KRT86: variants seen among roughly 807,000 people sequenced by gnomAD.
The protein encoded by KRT86 is keratin, type II cuticular Hb6.
A neutral mutation model predicts 41.2 loss-of-function variants in KRT86; 30 were observed. The ratio of observed to expected loss-of-function variants is 0.73; its 90% CI spans 0.54 to 0.99. The LOEUF (loss-of-function observed/expected upper bound fraction) is 0.99, where lower values mean the gene tolerates loss of function less well. Ranked by LOEUF, KRT86 falls within the 50% of genes least tolerant of loss-of-function variation. KRT86 has a pLI of 0.00. For missense variants in KRT86, 561 were observed against 571.4 expected, an observed-to-expected ratio of 0.98 and a Z score of 0.19; for synonymous variants, 238 against 238.1, an observed-to-expected ratio of 1.00 and a Z score of 0.00.
At chr12:52,285,650 G>A (rs1410798982) in intron 2 of KRT86, among the ~76,000 whole-genome samples, 1 of 152,202 alleles carries the variant, frequency 6.6e-6, no homozygotes, top group Non-Finnish European at 1.5e-5. Flanking sequence ...CCAACTAAGT[G>A]GGTGACCCTG....
intron 2 of KRT86, among the ~76,000 whole-genome samples, chr12:52,282,375 G>A (rs1370438225): frequency 1.3e-5 from 2 of 152,100 alleles, no homozygotes; most frequent in Admixed American, 1.3e-4. Flanking sequence ...TGGGACTACA[G>A]GCGCCTGCCA....
At chr12:52,286,936 G>C in intron 2 of KRT86, 1 of 1,518,806 alleles carries the variant, frequency 6.6e-7, no homozygotes, top group Non-Finnish European at 9.1e-7. Context: ...GAGTCTGAGG[G>C]AACAGCTTGC....
chr12:52,287,185 C>T, intron 2 of KRT86: 1 of 1,613,892 alleles, frequency 6.2e-7, no homozygotes, highest in East Asian at 2.2e-5. Context: ...CCTCCTGGTA[C>T]TCCCTGATCA....
chr12:52,305,930 T>G (rs12815182), intron 8 of KRT86, 130 bp from the exon 9 acceptor site: 67 of 1,570,054 alleles, frequency 4.3e-5, no homozygotes, highest in Non-Finnish European at 5.0e-5. Flanking sequence ...TCTCTGTGAG[T>G]CCCAGGTGAT....
Position 52,308,384 on chromosome 12 carries a change from T to G in KRT86, c.1280-20T>G. On this transcript the variant is annotated intron_variant, in intron 10 of 10. Transcript: ENST00000423955. ...GTCGCGGCTGCGCCTGACGCGCGCC[T>G]CCGTCTCTTTCCCCTGCAGGCGTCA... 1 of 1,611,156 alleles carries G rather than the reference T, an allele frequency of 6.2e-7. No individual in the cohort carries two copies. The highest frequency in any genetic ancestry group is 8.5e-7 in the Non-Finnish European group (1 of 1,179,300).
intron 2 of KRT86, among the ~76,000 whole-genome samples, chr12:52,299,064 T>C (rs1320834626): frequency 6.6e-6 from 1 of 152,242 alleles, no homozygotes; most frequent in Non-Finnish European, 1.5e-5. Flanking sequence ...GTTATCTAAC[T>C]GTATTTTTGT....
At chr12:52,282,549 C>T (rs1165793165) in intron 2 of KRT86, among the ~76,000 whole-genome samples, 3 of 152,232 alleles carry the variant, frequency 2.0e-5, no homozygotes, top group Admixed American at 6.5e-5. Flanking sequence ...TTTTGAGCCC[C>T]TTTAAAGAAA....
At chr12:52,283,440 A>G (rs1022422852) in intron 2 of KRT86, among the ~76,000 whole-genome samples, 1 of 134,660 alleles carries the variant, frequency 7.4e-6, no homozygotes, top group Non-Finnish European at 1.6e-5. Context: ...TTAAATTGGT[A>G]AGGGATGTTA....
rs148259143 is a variant in KRT86 at position 52,282,598 on chromosome 12, C to T, written c.-5+6652C>T. On this transcript the variant is annotated intron_variant, in intron 2 of 10. Transcript: ENST00000423955. ...CAAGGGTGGCTGAACTCCATCTGCC[C>T]CACCTGGAGTGAGAGTGACCATAGG... Among the ~76,000 whole-genome samples, 128 of 152,328 alleles carry T rather than the reference C, an allele frequency of 8.4e-4. 1 individual carries two copies. Among genetic ancestry groups the T allele is most frequent in the Middle Eastern group, 6.8e-3 (2 of 294 alleles).
intron 2 of KRT86, among the ~76,000 whole-genome samples, chr12:52,294,651 T>C (rs187656774): frequency 2.0e-5 from 3 of 152,316 alleles, no homozygotes; most frequent in Non-Finnish European, 2.9e-5. Context: ...GTTAGATCTG[T>C]AGCAATACCT....
At chr12:52,298,757 C>T (rs1441158391) in intron 2 of KRT86, among the ~76,000 whole-genome samples, 2 of 152,166 alleles carry the variant, frequency 1.3e-5, no homozygotes, top group Non-Finnish European at 2.9e-5. Context: ...AGTCTGTGTG[C>T]TTAACTAATA....
chr12:52,277,876 T>TC (rs1448557683), intron 2 of KRT86: 1 of 152,294 alleles, frequency 6.6e-6, no homozygotes, highest in Non-Finnish European at 1.5e-5. Flanking sequence ...TAGGTTTCTC[T>TC]CACCATCTTA....
At chr12:52,291,828 G>A (rs1332789111) in intron 2 of KRT86, among the ~76,000 whole-genome samples, 2 of 152,134 alleles carry the variant, frequency 1.3e-5, no homozygotes, top group Non-Finnish European at 2.9e-5. Flanking sequence ...AGGACGAGAA[G>A]GAGGAGTAGA....
intron 7 of KRT86, 42 bp downstream of exon 7, chr12:52,305,446 G>A: frequency 6.2e-7 from 1 of 1,614,076 alleles, no homozygotes. Context: ...ATGGCAGTGG[G>A]AGGGATTTGA....
chr12:52,281,876 C>A (rs528201275), intron 2 of KRT86, among the ~76,000 whole-genome samples: 1 of 152,142 alleles, frequency 6.6e-6, no homozygotes, highest in East Asian at 1.9e-4. Context: ...GTAGCTGGGA[C>A]TACAGGCACA....
intron 9 of KRT86, 143 bp from the exon 10 acceptor site, chr12:52,308,090 A>C (rs1938557500): frequency 9.4e-7 from 1 of 1,065,946 alleles, no homozygotes; most frequent in African/African-American, 1.6e-5. Context: ...CCGAGTCTAC[A>C]CTGGCTCCTG....
Position 52,306,137 on chromosome 12 carries a change from G to A in KRT86, c.1104G>A (p.Leu368=), listed in dbSNP as rs1592440207. 2 of 1,614,018 alleles carry A rather than the reference G, an allele frequency of 1.2e-6. No homozygotes were observed. Among genetic ancestry groups the A allele is most frequent in the Admixed American group, 3.3e-5 (2 of 60,032 alleles). ...EAALSDARCK[L]AELEGALQKA... The stretch of plus-strand genomic sequence containing the variant: ...CCCTCAGCGATGCCCGCTGCAAGTT[G>A]GCCGAGCTGGAGGGTGCCCTGCAGA... The change falls in exon 9 of 11, where the codon TTG becomes TTA. Residue 368 remains leucine, a synonymous_variant. Coordinates refer to ENST00000423955, the MANE Select transcript of KRT86 (RefSeq NM_001320198.2).
At chr12:52,296,934 C>T (rs1938264437) in intron 2 of KRT86, among the ~76,000 whole-genome samples, 1 of 152,242 alleles carries the variant, frequency 6.6e-6, no homozygotes, top group African/African-American at 2.4e-5. Flanking sequence ...AGCAGAGTCT[C>T]AGGGACGACA....
chr12:52,285,301 C>T (rs1196791682), intron 2 of KRT86, among the ~76,000 whole-genome samples: 1 of 151,614 alleles, frequency 6.6e-6, no homozygotes, highest in African/African-American at 2.4e-5. Context: ...GTGCTGTTTT[C>T]TGTCTTTGAG....
Sources: gnomAD v4.1 joint callset for allele counts (sites outside exome capture counted in the v4.1 genomes callset) on GRCh38, gnomAD v4.1.1 for gene constraint, MANE v1.5 for transcripts, NCBI Gene and HGNC (gene_info 2026-07-23, HGNC 2026-07-21) for gene names.